AKAP11: variants seen among roughly 807,000 people sequenced by gnomAD.
AKAP11 encodes A-kinase anchoring protein 11.
In AKAP11, 36 loss-of-function variants were observed where a neutral mutation model predicts 146.1. The ratio of observed to expected loss-of-function variants is 0.25; its 90% CI spans 0.19 to 0.33. The LOEUF is 0.33. Ranked by LOEUF, AKAP11 falls within the 10% of genes least tolerant of loss-of-function variation. AKAP11 has a pLI of 1.00. For synonymous variants in AKAP11, 780 were observed against 786.5 expected (o/e 0.99, Z 0.14); for missense variants, 2,201 against 2,197.0 (o/e 1.00, Z -0.04).
chr13:42,284,869 T>C (rs1303076299), intron 1 of AKAP11, among the ~76,000 whole-genome samples: 3 of 152,264 alleles, frequency 2.0e-5, no homozygotes, highest in Non-Finnish European at 4.4e-5. Context: ...AGGCTGAGCC[T>C]TTCTCATGCT....
intron 3 of AKAP11, among the ~76,000 whole-genome samples, chr13:42,291,320 T>C (rs1219681270): frequency 6.6e-6 from 1 of 152,186 alleles, no homozygotes; most frequent in East Asian, 1.9e-4. Context: ...TGGCGCAGTC[T>C]CAGCTAACTG....
intron 9 of AKAP11, among the ~76,000 whole-genome samples, chr13:42,309,952 G>T (rs1184866458): frequency 6.6e-6 from 1 of 152,130 alleles, no homozygotes; most frequent in Non-Finnish European, 1.5e-5. Flanking sequence ...TGAGAAAAAG[G>T]AGTCGTCTTA....
chr13:42,312,471 A>G (rs1001822382), intron 9 of AKAP11, among the ~76,000 whole-genome samples: 17 of 152,228 alleles, frequency 1.1e-4, no homozygotes, highest in Non-Finnish European at 2.2e-4. Context: ...TATACATAAT[A>G]TATGAAATGA....
chr13:42,318,284 A>G (rs541478685), intron 12 of AKAP11, among the ~76,000 whole-genome samples: 2 of 152,304 alleles, frequency 1.3e-5, no homozygotes, highest in South Asian at 4.1e-4. Context: ...TGGTAGAAAT[A>G]TTCGAATTGT....
intron 1 of AKAP11, among the ~76,000 whole-genome samples, chr13:42,273,929 A>C (rs1260115810): frequency 6.6e-6 from 1 of 152,212 alleles, no homozygotes; most frequent in Non-Finnish European, 1.5e-5. Flanking sequence ...TACGTGACAA[A>C]AATGTGAAAG....
chr13:42,296,826 T>G (rs1440119290), intron 5 of AKAP11, among the ~76,000 whole-genome samples: 1 of 152,008 alleles, frequency 6.6e-6, no homozygotes, highest in Non-Finnish European at 1.5e-5. Flanking sequence ...TCAGTACATT[T>G]TAAAGGCTAC....
intron 1 of AKAP11, among the ~76,000 whole-genome samples, chr13:42,274,042 A>G (rs1223696419): frequency 6.6e-6 from 1 of 152,212 alleles, no homozygotes; most frequent in Non-Finnish European, 1.5e-5. Flanking sequence ...GAAGTAGAAA[A>G]ATAAATTTTT....
At chr13:42,297,456 T>C (rs887094006) in intron 6 of AKAP11, among the ~76,000 whole-genome samples, 16 of 151,968 alleles carry the variant, frequency 1.1e-4, no homozygotes, top group Admixed American at 7.9e-4. Flanking sequence ...ATTTATTATT[T>C]CTGGATTTCT....
chr13:42,303,349 A>G lies in AKAP11; in HGVS notation c.4603A>G (p.Asn1535Asp), dbSNP rs1416272276. The G allele has an allele frequency of 2.5e-6, 4 of 1,612,832 alleles. No individual in the cohort carries two copies. The highest frequency in any genetic ancestry group is 1.1e-5 in the South Asian group (1 of 91,080). The change falls in exon 8 of 13, where the codon AAT becomes GAT. Residue 1535 changes from asparagine (N) to aspartate (D), a missense_variant. Around this residue, in one of 3 missense-constraint regions of AKAP11, gnomAD observed 1,867 missense variants for 1,833.5 expected, o/e 1.02. Coordinates refer to ENST00000025301, the MANE Select transcript of AKAP11 (RefSeq NM_016248.4). ...GSLNGYGCGD[N>D]VVQAVEQYAK... Reference sequence around the variant, plus strand: ...TTTAAATGGATATGGTTGTGGAGACAATGTTGTTCAAGCTGTAGAACAGTA... The same window carrying G: ...TTTAAATGGATATGGTTGTGGAGACGATGTTGTTCAAGCTGTAGAACAGTA...
intron 1 of AKAP11, among the ~76,000 whole-genome samples, chr13:42,277,510 A>G (rs1428003892): frequency 2.6e-5 from 4 of 152,240 alleles, no homozygotes; most frequent in African/African-American, 9.6e-5. Context: ...AACATACCTT[A>G]TAAGTAGATC....
In AKAP11 at chr13:42,299,552, C is replaced by T. The variant is rs765783784; in HGVS notation, c.806C>T (p.Thr269Ile). 2.5e-6 allele frequency: 4 copies of T among 1,613,978 alleles called. No individual in the cohort carries two copies. The East Asian group carries it at 6.7e-5, about 27-fold the overall frequency. ...KELPSVKTSV[T>I]TSISEPWTQR... ...CTACCTTCTGTGAAAACTTCAGTCACAACATCAATTTCAGAGCCTTGGACC... is the reference window on the plus strand; with the variant it reads ...CTACCTTCTGTGAAAACTTCAGTCATAACATCAATTTCAGAGCCTTGGACC... Residue 269 changes from threonine (T) to isoleucine (I), a missense_variant, in exon 8 of 13, where the codon ACA (threonine) becomes ATA (isoleucine). Physicochemically the swap from Thr to Ile is moderately conservative, Grantham distance 89 (BLOSUM62 -1). Coordinates refer to ENST00000025301, the MANE Select transcript of AKAP11 (RefSeq NM_016248.4).
At chr13:42,276,595 C>A (rs191994073) in intron 1 of AKAP11, among the ~76,000 whole-genome samples, 2 of 152,258 alleles carry the variant, frequency 1.3e-5, no homozygotes, top group Admixed American at 1.3e-4. Flanking sequence ...CAGTTACCTT[C>A]TAATTTGCAA....
chr13:42,280,153 C>G (rs572305304), intron 1 of AKAP11, among the ~76,000 whole-genome samples: 19 of 152,344 alleles, frequency 1.2e-4, no homozygotes, highest in Admixed American at 9.1e-4. Flanking sequence ...CACCAGACTG[C>G]TTGGCTTTCC....
intron 8 of AKAP11, among the ~76,000 whole-genome samples, chr13:42,304,958 C>A (rs1227957343): frequency 1.3e-5 from 2 of 152,108 alleles, no homozygotes; most frequent in Non-Finnish European, 2.9e-5. Context: ...ACCAAGTTGG[C>A]CAGGCTGGTC....
intron 4 of AKAP11, among the ~76,000 whole-genome samples, chr13:42,295,149 C>T (rs1959430504): frequency 6.6e-6 from 1 of 152,120 alleles, no homozygotes; most frequent in South Asian, 2.1e-4. Context: ...TGCATCGAAA[C>T]TTGAAGAATG....
chr13:42,298,423 GA>G, intron 6 of AKAP11, 109 bp from the exon 7 acceptor site: 1 of 1,191,514 alleles, frequency 8.4e-7, no homozygotes, highest in South Asian at 1.5e-5. Context: ...CAGGATGCAT[GA>G]ATTTCTTGTT....
chr13:42,293,486 G>T (rs1204428897), intron 4 of AKAP11, among the ~76,000 whole-genome samples: 2 of 152,096 alleles, frequency 1.3e-5, no homozygotes, highest in East Asian at 3.9e-4. Flanking sequence ...CTCTTTTTGT[G>T]TCAGCTTAAT....
Position 42,322,850 on chromosome 13 carries a change from T to C in AKAP11, c.*3622T>C, listed in dbSNP as rs575063473. ...AGTTCTAGAAGTTCTTATTTTGTTT[T>C]TGTTGTAATGTTTGAATACTATTTA... On this transcript the variant is annotated 3_prime_UTR_variant, in exon 13 of 13. Transcript: ENST00000025301. 6.5e-6 allele frequency: 1 copy of C among 152,838 alleles called. No individual in the cohort carries two copies. The highest frequency in any genetic ancestry group is 1.9e-4 in the East Asian group (1 of 5,328). The allele number at this position is 152,838 out of a possible 1,614,324, so 9.5% of individuals were successfully genotyped here.
chr13:42,283,194 T>G (rs1245966083), intron 1 of AKAP11, among the ~76,000 whole-genome samples: 1 of 152,238 alleles, frequency 6.6e-6, no homozygotes, highest in Non-Finnish European at 1.5e-5. Context: ...AATAGATTTC[T>G]TTCTTCCTGA....
Sources: gnomAD v4.1 joint callset for allele counts (sites outside exome capture counted in the v4.1 genomes callset) on GRCh38, gnomAD v4.1.1 for gene constraint, gnomAD v4.1.1 regional missense constraint, MANE v1.5 for transcripts, NCBI Gene and HGNC (gene_info 2026-07-23, HGNC 2026-07-21) for gene names.